LRRC69: variants seen among roughly 807,000 people sequenced by gnomAD.
LRRC69 encodes leucine-rich repeat-containing protein 69.
LRRC69 carries 42 observed loss-of-function variants against 37.8 expected under a neutral mutation model. The ratio of observed to expected loss-of-function variants is 1.11; its 90% confidence interval spans 0.87 to 1.44. LRRC69 has a LOEUF of 1.44. LRRC69 is among the 40% of genes most tolerant of loss of function. The pLI, the probability that LRRC69 is intolerant of heterozygous loss-of-function variation, is 0.00. For synonymous variants in LRRC69, 141 were observed against 143.1 expected (o/e 0.99, Z 0.11); for missense variants, 357 against 401.9 (o/e 0.89, Z 0.96).
At chr8:91,111,657 C>T (rs981416042) in intron 1 of LRRC69, among the ~76,000 whole-genome samples, 1 of 151,938 alleles carries the variant, frequency 6.6e-6, no homozygotes, top group African/African-American at 2.4e-5. Flanking sequence ...CATGTTGTCA[C>T]TTATAAGTGG....
chr8:91,173,836 G>A (rs1809175150), intron 5 of LRRC69, among the ~76,000 whole-genome samples: 1 of 151,794 alleles, frequency 6.6e-6, no homozygotes, highest in African/African-American at 2.4e-5. Context: ...ACAAACTAAT[G>A]ATCTCCCGAA....
chr8:91,131,388 T>C lies in LRRC69; in HGVS notation c.384-1722T>C, dbSNP rs367630747. 8.6e-5 allele frequency among the ~76,000 whole-genome samples: 13 copies of C among 151,890 alleles called. No individual in the cohort carries two copies. The East Asian group carries it at 1.5e-3, about 18-fold the overall frequency. Reference sequence around the variant, plus strand: ...AGCACCCAGCCCAAGTCAAGTCTTATACAAAAAAAGCTGTCAAAATTTGTA... The same window carrying C: ...AGCACCCAGCCCAAGTCAAGTCTTACACAAAAAAAGCTGTCAAAATTTGTA... On this transcript the variant is annotated intron_variant, in intron 3 of 7. Transcript: ENST00000448384.
At chr8:91,130,698 A>T (rs1813793013) in intron 3 of LRRC69, 1 of 152,074 alleles carries the variant, frequency 6.6e-6, no homozygotes, top group African/African-American at 2.4e-5. Context: ...AGCTACAATA[A>T]ACATTATTGT....
intron 7 of LRRC69, among the ~76,000 whole-genome samples, chr8:91,208,368 G>A (rs899502650): frequency 6.6e-6 from 1 of 152,156 alleles, no homozygotes; most frequent in Non-Finnish European, 1.5e-5. Context: ...CTACTCAGTA[G>A]GGTGAGAAGA....
chr8:91,148,927 G>A (rs1236432959), intron 5 of LRRC69, among the ~76,000 whole-genome samples: 1 of 151,770 alleles, frequency 6.6e-6, no homozygotes, highest in Non-Finnish European at 1.5e-5. Flanking sequence ...TTTTGATGGG[G>A]TTGTTTGTTT....
chr8:91,102,911 G>C (rs1296572074), intron 1 of LRRC69, 67 bp downstream of exon 1: 4 of 1,407,078 alleles, frequency 2.8e-6, no homozygotes, highest in African/African-American at 1.5e-5. Context: ...GAGAAAAAAG[G>C]GGTAAGAGAC....
intron 3 of LRRC69, among the ~76,000 whole-genome samples, chr8:91,127,432 T>G (rs969461289): frequency 6.6e-6 from 1 of 151,850 alleles, no homozygotes; most frequent in Non-Finnish European, 1.5e-5. Flanking sequence ...TTCCCAACTC[T>G]GAGGTTCTTG....
chr8:91,184,121 T>C (rs891770036), intron 5 of LRRC69, among the ~76,000 whole-genome samples: 21 of 152,062 alleles, frequency 1.4e-4, no homozygotes, highest in African/African-American at 5.1e-4. Flanking sequence ...CTGCCAAAAA[T>C]ACAAAAAATT....
rs370793459 is a variant in LRRC69, at chr8:91,122,663, G to A, written c.184-1830G>A. ...AAATCTTGGACCTTTCACAATGCCTGACACATTCTTGCGTATCTCGCCAGT... is the reference window on the plus strand; with the variant it reads ...AAATCTTGGACCTTTCACAATGCCTAACACATTCTTGCGTATCTCGCCAGT... On this transcript the variant is annotated intron_variant, in intron 1 of 7. Transcript: ENST00000448384. 1.3e-3 allele frequency among the ~76,000 whole-genome samples: 198 copies of A among 152,118 alleles called. 5 individuals are homozygous for A. The South Asian group carries it at 0.04, about 31-fold the overall frequency.
intron 1 of LRRC69, among the ~76,000 whole-genome samples, chr8:91,109,192 T>C (rs901298041): frequency 5.3e-5 from 8 of 152,110 alleles, no homozygotes; most frequent in Non-Finnish European, 1.0e-4. Flanking sequence ...TCTGCTTTCA[T>C]GCCAAGGCAT....
intron 5 of LRRC69, among the ~76,000 whole-genome samples, chr8:91,147,286 CATATT>C (rs1430144572): frequency 1.4e-4 from 20 of 145,242 alleles, no homozygotes; most frequent in Admixed American, 1.2e-3. Flanking sequence ...TATATATAAA[CATATT>C]ATATATTATA....
At chr8:91,139,494 C>T (rs1477929368) in intron 5 of LRRC69, among the ~76,000 whole-genome samples, 2 of 143,494 alleles carry the variant, frequency 1.4e-5, no homozygotes, top group East Asian at 2.2e-4. Flanking sequence ...AGGCTGGTTG[C>T]GAACTCCTGA....
intron 5 of LRRC69, among the ~76,000 whole-genome samples, chr8:91,148,212 C>T (rs1276619309): frequency 6.6e-6 from 1 of 151,680 alleles, no homozygotes. Context: ...AGGTATATCT[C>T]CTAATGCTAT....
chr8:91,139,195 A>G (rs1313410119), intron 5 of LRRC69: 3 of 151,820 alleles, frequency 2.0e-5, no homozygotes, highest in Non-Finnish European at 4.4e-5. Flanking sequence ...TGTAAGTTGT[A>G]CAACTTCTGC....
intron 3 of LRRC69, among the ~76,000 whole-genome samples, chr8:91,129,517 A>G (rs1024474785): frequency 6.6e-6 from 1 of 151,918 alleles, no homozygotes; most frequent in Non-Finnish European, 1.5e-5. Context: ...AGTTAAAACC[A>G]ACTCCCATGA....
intron 5 of LRRC69, among the ~76,000 whole-genome samples, chr8:91,180,368 C>G (rs1300754994): frequency 6.6e-6 from 1 of 152,142 alleles, no homozygotes. Flanking sequence ...ACAGAGCTAC[C>G]TGAATATTCT....
At position 91,146,226 on chromosome 8, in the gene LRRC69, A is replaced by G. The variant is rs564883829; in HGVS notation, c.651+10487A>G. Among the ~76,000 whole-genome samples the G allele has an allele frequency of 4.6e-5, 7 of 151,792 alleles. No individual in the cohort carries two copies. In the South Asian group the frequency reaches 1.5e-3, roughly 31 times the overall value. Reference sequence around the variant, plus strand: ...TATTCTTCTAACCAAGTACCTAATGAAAGTAATTCAGGAGATAAAGGGGAT... The same window carrying G: ...TATTCTTCTAACCAAGTACCTAATGGAAGTAATTCAGGAGATAAAGGGGAT... On this transcript the variant is annotated intron_variant, in intron 5 of 7. Coordinates refer to ENST00000448384, the Ensembl canonical transcript of LRRC69.
chr8:91,210,161 T>C (rs1669296540), intron 7 of LRRC69, among the ~76,000 whole-genome samples: 3 of 152,200 alleles, frequency 2.0e-5, no homozygotes, highest in African/African-American at 7.2e-5. Context: ...TCATATTAAC[T>C]TTGTGACTTG....
At chr8:91,128,657 A>G (rs2130508594) in intron 3 of LRRC69, among the ~76,000 whole-genome samples, 1 of 152,208 alleles carries the variant, frequency 6.6e-6, no homozygotes, top group South Asian at 2.1e-4. Context: ...AAGCAAATTC[A>G]TACAATATAT....
Sources: allele counts gnomAD v4.1 joint callset (sites outside exome capture counted in the v4.1 genomes callset), GRCh38; gene constraint gnomAD v4.1.1; transcripts MANE v1.5; gene names NCBI Gene and HGNC (gene_info 2026-07-23, HGNC 2026-07-21).